Variants in ACER1 observed in about 807,000 individuals in gnomAD.
The protein encoded by ACER1 is alkaline ceramidase 1.
In ACER1, 28 loss-of-function variants were observed where a neutral mutation model predicts 24.9. The observed-to-expected ratio is 1.13, with a 90% CI of 0.83 to 1.54. The LOEUF (loss-of-function observed/expected upper bound fraction) is 1.54. ACER1 is among the 40% of genes most tolerant of loss of function. ACER1 has a pLI of 0.00. For missense variants in ACER1, 352 were observed against 349.3 expected (o/e 1.01, Z -0.06); for synonymous variants, 132 against 131.4 (o/e 1.00, Z -0.03).
upstream of ACER1, among the ~76,000 whole-genome samples, chr19:6,335,086 T>C (rs979004393): frequency 6.8e-6 from 1 of 146,660 alleles, no homozygotes; most frequent in Admixed American, 6.9e-5. Context: ...AAAAATACTA[T>C]TGTTATATAA....
At chr19:6,359,653 G>GA in the ACER1 span, among the ~76,000 whole-genome samples, 2 of 151,296 alleles carry the variant, frequency 1.3e-5, no homozygotes, top group African/African-American at 2.4e-5. Flanking sequence ...ACTGCCCCGG[G>GA]AAAAAAAAGA....
chr19:6,359,904 T>G, the ACER1 span, among the ~76,000 whole-genome samples: 6 of 152,164 alleles, frequency 3.9e-5, no homozygotes, highest in Non-Finnish European at 8.8e-5. Flanking sequence ...TGGTTCAATG[T>G]GTATTTAATG....
the ACER1 span, among the ~76,000 whole-genome samples, chr19:6,348,271 C>T: frequency 6.6e-6 from 1 of 151,664 alleles, no homozygotes; most frequent in Admixed American, 6.6e-5. Flanking sequence ...TTGAGACCAG[C>T]CTGGCCAACA....
chr19:6,315,671 G>A (rs553461439), intron 1 of ACER1, among the ~76,000 whole-genome samples: 12 of 149,226 alleles, frequency 8.0e-5, no homozygotes, highest in African/African-American at 2.7e-4. Flanking sequence ...GAGCCACCAC[G>A]GCCAGCCTAA....
At chr19:6,331,745 G>A (rs2091688107) in intron 1 of ACER1, among the ~76,000 whole-genome samples, 1 of 151,714 alleles carries the variant, frequency 6.6e-6, no homozygotes, top group African/African-American at 2.4e-5. Context: ...AGTGAGCCGA[G>A]ATCGCGCCAT....
chr19:6,346,073 G>A, the ACER1 span, among the ~76,000 whole-genome samples: 3 of 152,084 alleles, frequency 2.0e-5, no homozygotes, highest in African/African-American at 4.8e-5. Flanking sequence ...CTTACTAGAA[G>A]AAGGGTTGCC....
intron 1 of ACER1, among the ~76,000 whole-genome samples, chr19:6,324,807 A>T (rs1320565047): frequency 6.7e-6 from 1 of 150,252 alleles, no homozygotes; most frequent in Non-Finnish European, 1.5e-5. Flanking sequence ...AGAAAGAAAG[A>T]GAAAGAAGGA....
intron 1 of ACER1, among the ~76,000 whole-genome samples, chr19:6,325,684 A>G (rs1347178881): frequency 6.6e-6 from 1 of 151,910 alleles, no homozygotes; most frequent in Non-Finnish European, 1.5e-5. Flanking sequence ...ACCTTTACAT[A>G]TGCTATTCCC....
chr19:6,313,955 G>A (rs2091592470), intron 1 of ACER1, among the ~76,000 whole-genome samples: 1 of 152,106 alleles, frequency 6.6e-6, no homozygotes, highest in African/African-American at 2.4e-5. Flanking sequence ...ACAGTCATCA[G>A]ACACATGAGT....
chr19:6,307,449 A>G (rs2091557887), intron 4 of ACER1, among the ~76,000 whole-genome samples, 159 bp from the exon 5 acceptor site: 1 of 152,010 alleles, frequency 6.6e-6, no homozygotes, highest in African/African-American at 2.4e-5. Flanking sequence ...TCTCGTGCTT[A>G]GAACTAACAC....
chr19:6,342,092 C>G, the ACER1 span, among the ~76,000 whole-genome samples: 1 of 152,084 alleles, frequency 6.6e-6, no homozygotes, highest in African/African-American at 2.4e-5. Context: ...GGTTACCGTA[C>G]AGATGGGGAA....
the ACER1 span, among the ~76,000 whole-genome samples, chr19:6,348,823 C>T: frequency 2.3e-3 from 345 of 151,662 alleles, 2 homozygotes; most frequent in African/African-American, 7.7e-3. Context: ...TTTGGGAGGC[C>T]GAGGCGGGTG....
At chr19:6,316,488 G>A (rs753341559) in intron 1 of ACER1, among the ~76,000 whole-genome samples, 5 of 151,982 alleles carry the variant, frequency 3.3e-5, no homozygotes, top group African/African-American at 9.7e-5. Context: ...GGATGGAACC[G>A]GAGGACATGA....
intron 4 of ACER1, 55 bp downstream of exon 4, chr19:6,309,642 G>A: frequency 6.2e-7 from 1 of 1,608,292 alleles, no homozygotes; most frequent in Non-Finnish European, 8.5e-7. Context: ...TGGAGTCAGG[G>A]GTGCTAGGAG....
intron 1 of ACER1, among the ~76,000 whole-genome samples, chr19:6,324,201 C>T (rs1160176878): frequency 6.6e-6 from 1 of 151,796 alleles, no homozygotes. Flanking sequence ...TGAGCCACCA[C>T]GCCTGGCTAT....
the ACER1 span, among the ~76,000 whole-genome samples, chr19:6,345,284 T>G: frequency 2.6e-5 from 4 of 152,206 alleles, no homozygotes; most frequent in Non-Finnish European, 5.9e-5. Context: ...CTATGGCTAC[T>G]TTTATGCTAT....
the ACER1 span, among the ~76,000 whole-genome samples, chr19:6,341,772 G>C: frequency 6.6e-6 from 1 of 152,016 alleles, no homozygotes; most frequent in Non-Finnish European, 1.5e-5. Flanking sequence ...GGGATTACAG[G>C]CACCCGCCAC....
At chr19:6,323,140 G>C (rs928749588) in intron 1 of ACER1, among the ~76,000 whole-genome samples, 1 of 151,286 alleles carries the variant, frequency 6.6e-6, no homozygotes, top group African/African-American at 2.4e-5. Flanking sequence ...AACAAAACAG[G>C]CAGGGCGCAG....
Position 6,309,828 on chromosome 19 carries a change from C to T in ACER1, c.357G>A (p.Gln119=). ...FPSFLGGNRS[Q]FIRLVFITTV... is the part of the protein sequence containing the mutation. ...TGGTGATGAAGACCAGGCGGATGAA[C>T]TGGGACCTGGGGAGGAAGGGGCTCA... The change falls in exon 4 of 6, where the codon CAG becomes CAA. Residue 119 remains glutamine, a synonymous_variant. Coordinates refer to ENST00000301452, the MANE Select transcript of ACER1 (RefSeq NM_133492.3). The T allele has an allele frequency of 2.5e-6, 4 of 1,613,986 alleles. No homozygotes were observed. The highest frequency in any genetic ancestry group is 2.5e-6 in the Non-Finnish European group (3 of 1,179,954).
Sources: gnomAD v4.1 joint callset for allele counts (sites outside exome capture counted in the v4.1 genomes callset) on GRCh38, gnomAD v4.1.1 for gene constraint, MANE v1.5 for transcripts, NCBI Gene and HGNC (gene_info 2026-07-23, HGNC 2026-07-21) for gene names.